Variants in PTPRD observed in about 807,000 individuals in gnomAD.
PTPRD encodes the protein protein tyrosine phosphatase receptor type D.
A neutral mutation model predicts 214.5 loss-of-function variants in PTPRD; 34 were observed. The ratio of observed to expected loss-of-function variants is 0.16; its 90% CI spans 0.12 to 0.21. The LOEUF is 0.21. Among genes scored for constraint, PTPRD ranks in the 10% least tolerant of loss-of-function variants. The pLI, the probability that PTPRD is intolerant of heterozygous loss-of-function variation, is 1.00. For missense variants in PTPRD, 2,545 were observed against 2,398.7 expected (o/e 1.06, Z -1.27); for synonymous variants, 1,128 against 845.7 (o/e 1.33, Z -5.79).
At chr9:9,576,556 T>A (rs141803968) in intron 7 of PTPRD, among the ~76,000 whole-genome samples, 1 of 152,278 alleles carries the variant, frequency 6.6e-6, no homozygotes, top group African/African-American at 2.4e-5. Flanking sequence ...CTTTAAAAAG[T>A]CAATCAATGA....
At chr9:10,226,196 G>C (rs1291923952) in intron 3 of PTPRD, among the ~76,000 whole-genome samples, 1 of 152,004 alleles carries the variant, frequency 6.6e-6, no homozygotes, top group South Asian at 2.1e-4. Context: ...CTTAGTACCT[G>C]GATAAGGGTG....
intron 11 of PTPRD, among the ~76,000 whole-genome samples, chr9:8,810,893 GC>G (rs1319061555): frequency 1.3e-5 from 2 of 152,148 alleles, no homozygotes; most frequent in Non-Finnish European, 2.9e-5. Context: ...TATCCTCCAA[GC>G]CCCTTTCCCT....
chr9:8,683,006 GA>G (rs1174666035), intron 12 of PTPRD, among the ~76,000 whole-genome samples: 1 of 152,180 alleles, frequency 6.6e-6, no homozygotes, highest in East Asian at 1.9e-4. Flanking sequence ...GGGTTCTAGA[GA>G]GATGAGTTTT....
intron 3 of PTPRD, among the ~76,000 whole-genome samples, chr9:10,333,806 C>A (rs2096794685): frequency 6.6e-6 from 1 of 151,772 alleles, no homozygotes; most frequent in African/African-American, 2.4e-5. Context: ...CTACCTAGGT[C>A]TCTAGGATTG....
intron 3 of PTPRD, among the ~76,000 whole-genome samples, chr9:10,103,010 G>C (rs72694855): frequency 6.6e-6 from 1 of 151,478 alleles, no homozygotes; most frequent in South Asian, 2.1e-4. Flanking sequence ...AAGAATAAGA[G>C]TAGGACTTAA....
intron 7 of PTPRD, among the ~76,000 whole-genome samples, chr9:9,637,540 T>A (rs1593767530): frequency 6.6e-6 from 1 of 152,206 alleles, no homozygotes; most frequent in Non-Finnish European, 1.5e-5. Flanking sequence ...TTACACACCT[T>A]CCTGGTACAC....
chr9:9,186,848 T>G (rs2131637632), intron 9 of PTPRD, among the ~76,000 whole-genome samples: 1 of 152,160 alleles, frequency 6.6e-6, no homozygotes, highest in African/African-American at 2.4e-5. Flanking sequence ...TTCTATTTTC[T>G]AACTGGAATT....
intron 45 of PTPRD, among the ~76,000 whole-genome samples, chr9:8,318,594 C>G (rs537580040): frequency 2.0e-5 from 3 of 152,140 alleles, no homozygotes; most frequent in South Asian, 4.2e-4. Context: ...TCCATTTACA[C>G]AGGGCACTGG....
chr9:9,664,136 C>T (rs919439861), intron 7 of PTPRD, among the ~76,000 whole-genome samples: 18 of 145,732 alleles, frequency 1.2e-4, no homozygotes, highest in Admixed American at 1.2e-3. Context: ...AGAAGAAGAG[C>T]TATGAGTTAC....
intron 8 of PTPRD, among the ~76,000 whole-genome samples, chr9:9,531,507 T>A (rs2075452600): frequency 6.6e-6 from 1 of 152,198 alleles, no homozygotes; most frequent in Admixed American, 6.6e-5. Context: ...TGGGGCAATG[T>A]TTGAAAGAAT....
At chr9:8,620,695 G>C (rs1391707837) in intron 14 of PTPRD, among the ~76,000 whole-genome samples, 2 of 151,924 alleles carry the variant, frequency 1.3e-5, no homozygotes, top group African/African-American at 4.8e-5. Context: ...TACTGCCTGT[G>C]TAGTATTGTA....
chr9:10,288,461 GC>G, intron 3 of PTPRD, among the ~76,000 whole-genome samples: 1 of 152,224 alleles, frequency 6.6e-6, no homozygotes, highest in Non-Finnish European at 1.5e-5. Context: ...ATACAACTTA[GC>G]TTTTGTTTTC....
At chr9:10,268,303 AATAATAATAATAATAACG>A (rs914608012) in intron 3 of PTPRD, among the ~76,000 whole-genome samples, 14 of 149,180 alleles carry the variant, frequency 9.4e-5, no homozygotes, top group African/African-American at 3.2e-4. Flanking sequence ...AAATAATAAT[AATAATAATAATAATAACG>A]ATAATAATAA....
intron 2 of PTPRD, among the ~76,000 whole-genome samples, chr9:10,379,294 A>G (rs1329412880): frequency 1.3e-5 from 2 of 151,490 alleles, no homozygotes; most frequent in African/African-American, 2.4e-5. Flanking sequence ...CAAATATAAG[A>G]TCATATCATC....
chr9:9,932,844 T>A (rs1212476638), intron 5 of PTPRD, among the ~76,000 whole-genome samples: 132 of 128,492 alleles, frequency 1.0e-3, no homozygotes, highest in African/African-American at 3.5e-3. Context: ...CGGGTTACCC[T>A]CAAAGGGAAG....
chr9:9,803,746 T>C (rs929563756), intron 5 of PTPRD: 9 of 151,978 alleles, frequency 5.9e-5, no homozygotes, highest in Non-Finnish European at 1.0e-4. Context: ...GTAAAACTAA[T>C]ACATGTGATT....
chr9:8,945,644 C>G (rs1224205474), intron 11 of PTPRD, among the ~76,000 whole-genome samples: 1 of 152,072 alleles, frequency 6.6e-6, no homozygotes, highest in Non-Finnish European at 1.5e-5. Flanking sequence ...TTCAAGGCCT[C>G]TCTCAGTTTA....
chr9:8,485,525 C>G, intron 28 of PTPRD: 1 of 621,722 alleles, frequency 1.6e-6, no homozygotes, highest in Non-Finnish European at 2.8e-6. Flanking sequence ...ATTCAGCCAA[C>G]TCTATTGTGT....
chr9:8,833,700 C>CTA (rs548684582), intron 11 of PTPRD, among the ~76,000 whole-genome samples: 2,931 of 138,978 alleles, frequency 0.021, 45 homozygotes, highest in Non-Finnish European at 0.032. Flanking sequence ...CTCTCTCTCT[C>CTA]TATATATATA....
Sources: gnomAD v4.1 joint callset for allele counts (sites outside exome capture counted in the v4.1 genomes callset) on GRCh38, gnomAD v4.1.1 for gene constraint, MANE v1.5 for transcripts, NCBI Gene and HGNC (gene_info 2026-07-23, HGNC 2026-07-21) for gene names.